Variants in PHACTR3 observed in about 807,000 individuals in gnomAD.
The protein encoded by PHACTR3 is protein phosphatase 1, regulatory subunit 123.
A neutral mutation model predicts 66.8 loss-of-function variants in PHACTR3; 16 were observed. The observed-to-expected ratio is 0.24, with a 90% CI of 0.16 to 0.36. PHACTR3 has a LOEUF of 0.36. PHACTR3 is among the 10% of genes least tolerant of loss of function. The pLI, the probability that PHACTR3 is intolerant of heterozygous loss-of-function variation, is 1.00. For missense variants in PHACTR3, 647 were observed against 719.9 expected, an observed-to-expected ratio of 0.90 and a Z score of 1.16; for synonymous variants, 323 against 292.1, an observed-to-expected ratio of 1.11 and a Z score of -1.08.
chr20:59,633,451 T>C (rs2034741059), intron 1 of PHACTR3, among the ~76,000 whole-genome samples: 1 of 151,946 alleles, frequency 6.6e-6, no homozygotes, highest in South Asian at 2.1e-4. Context: ...AGTTGAACAT[T>C]GAGAACACAT....
rs146510490 is a variant in PHACTR3 at position 59,755,330 on chromosome 20, G to A, written c.507G>A (p.Lys169=). Residue 169 remains lysine (K), a synonymous_variant, in exon 4 of 13, where the codon AAG becomes AAA. Coordinates refer to ENST00000371015, the MANE Select transcript of PHACTR3 (RefSeq NM_080672.5). ...ATGTDQVSLD[K]PLSSAAHLDD... Reference sequence around the variant, plus strand: ...GGACGGACCAGGTCTCCCTGGACAAGCCACTGTCCTCAGCTGCCCACTTGG... The same window carrying A: ...GGACGGACCAGGTCTCCCTGGACAAACCACTGTCCTCAGCTGCCCACTTGG... 38 of 1,613,636 alleles carry A rather than the reference G, an allele frequency of 2.4e-5. No individual in the cohort carries two copies. In the African/African-American group the frequency reaches 3.6e-4, roughly 15 times the overall value.
At chr20:59,685,484 G>A (rs1033782130) in intron 1 of PHACTR3, among the ~76,000 whole-genome samples, 1 of 152,154 alleles carries the variant, frequency 6.6e-6, no homozygotes, top group Admixed American at 6.5e-5. Flanking sequence ...CGTCTGGTAG[G>A]GTTGTTCTGA....
intron 7 of PHACTR3, among the ~76,000 whole-genome samples, chr20:59,785,376 G>A (rs1024352662): frequency 6.6e-5 from 10 of 152,060 alleles, no homozygotes; most frequent in African/African-American, 2.4e-4. Context: ...CTCCTTACAG[G>A]CCCTACCCAC....
At chr20:59,592,272 A>G (rs1246258497) in intron 1 of PHACTR3, among the ~76,000 whole-genome samples, 1 of 152,186 alleles carries the variant, frequency 6.6e-6, no homozygotes, top group Non-Finnish European at 1.5e-5. Flanking sequence ...CCTTTGCACC[A>G]GTATTTCTAA....
chr20:59,647,257 T>C (rs1013851490), intron 1 of PHACTR3, among the ~76,000 whole-genome samples: 3 of 152,112 alleles, frequency 2.0e-5, no homozygotes, highest in Admixed American at 2.0e-4. Flanking sequence ...TATAAAACCA[T>C]CCAATATCGT....
intron 1 of PHACTR3, among the ~76,000 whole-genome samples, chr20:59,688,332 G>A (rs1405702739): frequency 6.6e-6 from 1 of 152,210 alleles, no homozygotes. Flanking sequence ...CCAAATGGAT[G>A]TTTGGGGTCA....
chr20:59,846,837 C>T (rs1033048110), intron 12 of PHACTR3, among the ~76,000 whole-genome samples: 7 of 152,072 alleles, frequency 4.6e-5, no homozygotes, highest in African/African-American at 1.7e-4. Flanking sequence ...TTTAGCAAAG[C>T]CCTGGCCTTT....
chr20:59,726,443 C>T (rs1036563997), intron 1 of PHACTR3, among the ~76,000 whole-genome samples: 36 of 152,148 alleles, frequency 2.4e-4, no homozygotes, highest in African/African-American at 4.6e-4. Flanking sequence ...TGGGCCTCCT[C>T]GCCACCAGGT....
intron 7 of PHACTR3, among the ~76,000 whole-genome samples, chr20:59,804,526 A>G (rs1233482348): frequency 6.6e-6 from 1 of 152,172 alleles, no homozygotes; most frequent in Non-Finnish European, 1.5e-5. Context: ...GACCTTTGAG[A>G]CTTCCTGCAT....
chr20:59,828,772 C>T (rs1283513847), intron 8 of PHACTR3, among the ~76,000 whole-genome samples: 1 of 151,914 alleles, frequency 6.6e-6, no homozygotes, highest in Admixed American at 6.6e-5. Flanking sequence ...TTGCTGAGGG[C>T]CTTGGAGTTT....
At position 59,635,149 on chromosome 20, in the gene PHACTR3, T is replaced by TTCTTTCTTTTTCTTTCTTTCTTTCC. The variant is rs1555881160; in HGVS notation, c.118+30018_118+30019insCTTTCTTTTTCTTTCTTTCTTTCCT. ...TTTCTTTCTTTCTTTCTTTCTTTCT[T>TTCTTTCTTTTTCTTTCTTTCTTTCC]TTTCTTTCTTTCTTTCTTTCCTTTC... On this transcript the variant is annotated intron_variant, in intron 1 of 12. Transcript: ENST00000371015. Among the ~76,000 whole-genome samples the TTCTTTCTTTTTCTTTCTTTCTTTCC allele has an allele frequency of 5.8e-4, 35 of 60,400 alleles. 1 individual carries two copies. Among genetic ancestry groups the TTCTTTCTTTTTCTTTCTTTCTTTCC allele is most frequent in the African/African-American group, 8.5e-4 (13 of 15,230 alleles). 39.6% of individuals were successfully genotyped at this position (60,400 alleles called of 152,430 possible).
intron 8 of PHACTR3, among the ~76,000 whole-genome samples, chr20:59,827,997 G>A (rs1429699122): frequency 1.3e-5 from 2 of 152,172 alleles, no homozygotes; most frequent in Admixed American, 1.3e-4. Flanking sequence ...GGATGGTCCC[G>A]GGAGGCAGGT....
intron 1 of PHACTR3, among the ~76,000 whole-genome samples, chr20:59,718,375 G>C (rs1440858202): frequency 6.6e-6 from 1 of 152,170 alleles, no homozygotes; most frequent in Admixed American, 6.5e-5. Flanking sequence ...AGAAAATGCA[G>C]AGGCAAATGC....
chr20:59,723,044 TTTTC>T (rs1299893117), intron 1 of PHACTR3, among the ~76,000 whole-genome samples: 2 of 149,836 alleles, frequency 1.3e-5, no homozygotes, highest in Admixed American at 1.3e-4. Flanking sequence ...TTATTTCTCT[TTTTC>T]TTTCTTTCTT....
At chr20:59,804,604 G>A (rs2041509716) in intron 7 of PHACTR3, among the ~76,000 whole-genome samples, 1 of 152,180 alleles carries the variant, frequency 6.6e-6, no homozygotes, top group Non-Finnish European at 1.5e-5. Context: ...AAAAATGCCT[G>A]CAACTCCTCC....
At chr20:59,844,493 C>A (rs1159417229) in intron 11 of PHACTR3, 1 of 152,110 alleles carries the variant, frequency 6.6e-6, no homozygotes, top group Non-Finnish European at 1.5e-5. Context: ...TACACAGCCA[C>A]ACAAAATGGA....
In PHACTR3 at chr20:59,829,291, C is replaced by T. The variant is rs2042279213; in HGVS notation, c.1329-7214C>T. Among the ~76,000 whole-genome samples the T allele has an allele frequency of 6.6e-6, 1 of 152,192 alleles. No homozygotes were observed. The highest frequency in any genetic ancestry group is 6.5e-5 in the Admixed American group (1 of 15,286). ...GCTGAGCCCTCAGTCGGCAGAACATCCCTGCTTGCTGTTTCCTAGTGTGGA... is the reference window on the plus strand; with the variant it reads ...GCTGAGCCCTCAGTCGGCAGAACATTCCTGCTTGCTGTTTCCTAGTGTGGA... On this transcript the variant is annotated intron_variant, in intron 8 of 12. Coordinates refer to ENST00000371015, the MANE Select transcript of PHACTR3 (RefSeq NM_080672.5). The surrounding 1 kb of genome is among the most constrained non-coding windows in gnomAD (Gnocchi z 4.2).
At chr20:59,753,782 T>A (rs149499205) in intron 3 of PHACTR3, among the ~76,000 whole-genome samples, 20 of 152,308 alleles carry the variant, frequency 1.3e-4, no homozygotes, top group Middle Eastern at 6.8e-3. Context: ...GGACGCATGA[T>A]GGGGTGACTG....
At chr20:59,720,165 A>G (rs1363875087) in intron 1 of PHACTR3, among the ~76,000 whole-genome samples, 1 of 152,170 alleles carries the variant, frequency 6.6e-6, no homozygotes, top group East Asian at 1.9e-4. Flanking sequence ...CTTGAAGACC[A>G]TAACATCTCT....
Sources: allele counts gnomAD v4.1 joint callset (sites outside exome capture counted in the v4.1 genomes callset), GRCh38; gene constraint gnomAD v4.1.1; non-coding constraint Gnocchi (gnomAD v3.1); transcripts MANE v1.5; gene names NCBI Gene and HGNC (gene_info 2026-07-23, HGNC 2026-07-21).